MAF: variants seen among roughly 807,000 people sequenced by gnomAD.
MAF encodes the protein transcription factor Maf.
MAF carries 10 observed loss-of-function variants against 22.0 expected under a neutral mutation model. The ratio of observed to expected loss-of-function variants is 0.45; its 90% CI spans 0.28 to 0.77. MAF has a LOEUF of 0.77. Ranked by LOEUF, MAF falls within the 30% of genes least tolerant of loss-of-function variation. MAF has a pLI of 0.12. For synonymous variants in MAF, 337 were observed against 255.8 expected (o/e 1.32, Z -3.03); for missense variants, 544 against 548.4 (o/e 0.99, Z 0.08).
chr16:79,428,918 A>T, the MAF span, among the ~76,000 whole-genome samples: 1 of 152,002 alleles, frequency 6.6e-6, no homozygotes, highest in African/African-American at 2.4e-5. Context: ...CCAGAGGCCA[A>T]TGGCATAGCT....
At chr16:79,376,382 T>A in the MAF span, among the ~76,000 whole-genome samples, 121 of 152,258 alleles carry the variant, frequency 7.9e-4, no homozygotes, top group African/African-American at 2.9e-3. Context: ...TAAAATTTTA[T>A]GTATTTTTTC....
chr16:79,509,961 C>A, the MAF span, among the ~76,000 whole-genome samples: 1 of 152,160 alleles, frequency 6.6e-6, no homozygotes, highest in Admixed American at 6.5e-5. Flanking sequence ...TGAAGGATAG[C>A]GGAGGGTATC....
At chr16:79,479,649 A>G in the MAF span, among the ~76,000 whole-genome samples, 2 of 152,372 alleles carry the variant, frequency 1.3e-5, no homozygotes, top group African/African-American at 2.4e-5. Flanking sequence ...TATGCGGATC[A>G]CAGTACTGAG....
chr16:79,369,937 C>T, the MAF span, among the ~76,000 whole-genome samples: 2 of 152,210 alleles, frequency 1.3e-5, no homozygotes, highest in Admixed American at 1.3e-4. Context: ...TGGCTTCCCC[C>T]ACAGAGGGCC....
the MAF span, among the ~76,000 whole-genome samples, chr16:79,238,159 T>C: frequency 2.6e-5 from 4 of 152,098 alleles, 1 homozygote; most frequent in Non-Finnish European, 4.4e-5. Flanking sequence ...TGAAGACAAC[T>C]ACAGAGCTCA....
chr16:79,454,657 G>C, the MAF span, among the ~76,000 whole-genome samples: 1 of 152,148 alleles, frequency 6.6e-6, no homozygotes, highest in African/African-American at 2.4e-5. Flanking sequence ...AGATTGGCCA[G>C]ATCCCTACAC....
chr16:79,567,127 G>C, the MAF span, among the ~76,000 whole-genome samples: 3 of 152,200 alleles, frequency 2.0e-5, no homozygotes, highest in Non-Finnish European at 4.4e-5. Flanking sequence ...AGACCAGCCT[G>C]GCCAACATGG....
the MAF span, among the ~76,000 whole-genome samples, chr16:79,467,857 G>C: frequency 6.6e-6 from 1 of 151,910 alleles, no homozygotes; most frequent in Non-Finnish European, 1.5e-5. Context: ...GAAGGGAGAG[G>C]GGGAGAAAGG....
chr16:79,420,735 T>C, the MAF span, among the ~76,000 whole-genome samples: 1 of 152,204 alleles, frequency 6.6e-6, no homozygotes, highest in Non-Finnish European at 1.5e-5. Context: ...TGCAGTACAA[T>C]AAGATATTTT....
chr16:79,600,078 CCGCCCTGCCCGCGCCCCCCGCG>C lies in MAF; in HGVS notation c.-198_-177del. ...CGAGCGCGCTCACACACACACCCCCCCGCCCTGCCCGCGCCCCCCGCGCCCGCCCTCCCTCCCCCCTGCTCAC... is the reference window on the plus strand; with the variant it reads ...CGAGCGCGCTCACACACACACCCCCCCCCGCCCTCCCTCCCCCCTGCTCAC... On this transcript the variant is annotated 5_prime_UTR_variant, in exon 1 of 2. Coordinates refer to ENST00000326043, the MANE Select transcript of MAF (RefSeq NM_005360.5). 1.4e-6 allele frequency: 1 copy of C among 725,406 alleles called. No individual in the cohort carries two copies. The highest frequency in any genetic ancestry group is 2.1e-5 in the South Asian group (1 of 48,698). The allele number at this position is 725,406 out of a possible 1,614,324, so 44.9% of individuals were successfully genotyped here.
At chr16:79,519,341 A>G in the MAF span, among the ~76,000 whole-genome samples, 8 of 152,170 alleles carry the variant, frequency 5.3e-5, no homozygotes, top group African/African-American at 1.9e-4. Context: ...ATGCTATGCA[A>G]TTGCAACTCC....
At chr16:79,258,160 G>C in the MAF span, among the ~76,000 whole-genome samples, 4 of 152,198 alleles carry the variant, frequency 2.6e-5, no homozygotes, top group African/African-American at 9.7e-5. Context: ...CCTAAGAAAG[G>C]AGGAGGAGTG....
At chr16:79,261,413 A>G in the MAF span, among the ~76,000 whole-genome samples, 3 of 152,114 alleles carry the variant, frequency 2.0e-5, no homozygotes, top group Non-Finnish European at 4.4e-5. Flanking sequence ...TCGGCCTCCC[A>G]AAGTGCTGGG....
At chr16:79,538,687 A>G in the MAF span, among the ~76,000 whole-genome samples, 1 of 152,064 alleles carries the variant, frequency 6.6e-6, no homozygotes, top group Non-Finnish European at 1.5e-5. Context: ...ACCTGGGAAC[A>G]TGGTGGCACA....
the MAF span, among the ~76,000 whole-genome samples, chr16:79,258,986 G>T: frequency 3.3e-5 from 5 of 152,244 alleles, no homozygotes; most frequent in African/African-American, 1.2e-4. Flanking sequence ...CATCCAGGCT[G>T]AAAGAAGGGA....
the MAF span, among the ~76,000 whole-genome samples, chr16:79,523,325 A>G: frequency 1.3e-5 from 2 of 152,208 alleles, no homozygotes; most frequent in Non-Finnish European, 2.9e-5. Context: ...TCTCCCACTG[A>G]AGGGAGGGAG....
At chr16:79,451,239 G>T in the MAF span, among the ~76,000 whole-genome samples, 1 of 152,200 alleles carries the variant, frequency 6.6e-6, no homozygotes, top group Non-Finnish European at 1.5e-5. Context: ...CTGGAAAAGG[G>T]TTAGCTAATT....
chr16:79,417,080 T>C, the MAF span, among the ~76,000 whole-genome samples: 1 of 152,180 alleles, frequency 6.6e-6, no homozygotes, highest in Non-Finnish European at 1.5e-5. Flanking sequence ...AAAGGGTATT[T>C]TTTATGCCTT....
chr16:79,377,587 C>T, the MAF span, among the ~76,000 whole-genome samples: 6 of 152,204 alleles, frequency 3.9e-5, no homozygotes, highest in Admixed American at 3.3e-4. Flanking sequence ...GTGTTTTAGA[C>T]ATGAAGTCCT....
Sources: gnomAD v4.1 joint callset for allele counts (sites outside exome capture counted in the v4.1 genomes callset) on GRCh38, gnomAD v4.1.1 for gene constraint, MANE v1.5 for transcripts, NCBI Gene and HGNC (gene_info 2026-07-23, HGNC 2026-07-21) for gene names.